CNTN5: variants seen among roughly 807,000 people sequenced by gnomAD.
The protein encoded by CNTN5 is contactin 5.
Under a neutral mutation model 129.1 loss-of-function variants are expected in CNTN5, and 77 were observed. The ratio of observed to expected loss-of-function variants is 0.60; its 90% CI spans 0.50 to 0.72. The LOEUF (loss-of-function observed/expected upper bound fraction) is 0.72, where lower values mean the gene tolerates loss of function less well. Among genes scored for constraint, CNTN5 ranks in the 30% least tolerant of loss-of-function variants. The pLI, the probability that CNTN5 is intolerant of heterozygous loss-of-function variation, is 0.00. For synonymous variants in CNTN5, 509 were observed against 465.6 expected, an observed-to-expected ratio of 1.09 and a Z score of -1.20; for missense variants, 1,478 against 1,328.8, an observed-to-expected ratio of 1.11 and a Z score of -1.75.
intron 2 of CNTN5, among the ~76,000 whole-genome samples, chr11:99,473,201 C>T (rs1011908947): frequency 3.3e-5 from 5 of 151,978 alleles, no homozygotes; most frequent in Non-Finnish European, 7.4e-5. Context: ...ACTTGCTTTG[C>T]TTTTTAGCAA....
chr11:99,986,897 G>C (rs569172611), intron 8 of CNTN5, among the ~76,000 whole-genome samples: 20 of 152,286 alleles, frequency 1.3e-4, no homozygotes, highest in African/African-American at 4.6e-4. Flanking sequence ...GAAAAAGAGA[G>C]ATGTAATAGG....
intron 18 of CNTN5, among the ~76,000 whole-genome samples, chr11:100,297,215 T>A (rs967517414): frequency 6.6e-6 from 1 of 151,476 alleles, no homozygotes; most frequent in African/African-American, 2.4e-5. Flanking sequence ...GGGGTTCTGG[T>A]AAGGCAGTAA....
chr11:99,408,448 G>GAAAGAGAAATAA (rs71305322), intron 2 of CNTN5, among the ~76,000 whole-genome samples: 2 of 78,088 alleles, frequency 2.6e-5, no homozygotes, highest in African/African-American at 1.1e-4. Flanking sequence ...AAGAAAGAAA[G>GAAAGAGAAATAA]AGAAAGAAAG....
intron 8 of CNTN5, among the ~76,000 whole-genome samples, chr11:99,969,411 T>A (rs1951187602): frequency 6.6e-6 from 1 of 152,194 alleles, no homozygotes; most frequent in South Asian, 2.1e-4. Context: ...AGTTGACTTT[T>A]GCAGTGGTGG....
chr11:99,270,933 C>T (rs1863140397), intron 1 of CNTN5, among the ~76,000 whole-genome samples: 1 of 151,876 alleles, frequency 6.6e-6, no homozygotes, highest in South Asian at 2.1e-4. Context: ...AGATGAAAAT[C>T]AGGGTTGTTA....
rs561058515 is a variant in CNTN5, at chr11:99,596,642, A to G, written c.55+40373A>G. Among the ~76,000 whole-genome samples, 6 of 152,306 alleles carry G rather than the reference A, an allele frequency of 3.9e-5. No homozygotes were observed. The East Asian group carries it at 1.2e-3, about 29-fold the overall frequency. Reference sequence around the variant, plus strand: ...ACTGTATATTAGTATACTTGGTACCATTACATAAACATGTGGGAGGAAAAA... The same window carrying G: ...ACTGTATATTAGTATACTTGGTACCGTTACATAAACATGTGGGAGGAAAAA... On this transcript the variant is annotated intron_variant, in intron 3 of 24. Transcript: ENST00000524871.
intron 2 of CNTN5, among the ~76,000 whole-genome samples, chr11:99,476,804 T>TAATC (rs1255067501): frequency 2.0e-5 from 3 of 152,134 alleles, no homozygotes; most frequent in Non-Finnish European, 2.9e-5. Flanking sequence ...AGCTCATGTT[T>TAATC]AATCAACTGA....
chr11:99,226,391 G>C (rs1860687333), intron 1 of CNTN5, among the ~76,000 whole-genome samples: 1 of 152,106 alleles, frequency 6.6e-6, no homozygotes, highest in South Asian at 2.1e-4. Flanking sequence ...CTACTTTCCT[G>C]TACAAACAGG....
intron 3 of CNTN5, among the ~76,000 whole-genome samples, chr11:99,773,686 T>G (rs1945021474): frequency 6.6e-6 from 1 of 152,086 alleles, no homozygotes; most frequent in African/African-American, 2.4e-5. Context: ...AATATTATAT[T>G]TCTCATCAAT....
chr11:99,031,515 G>A (rs146670065), intron 1 of CNTN5, among the ~76,000 whole-genome samples: 100 of 151,890 alleles, frequency 6.6e-4, no homozygotes, highest in Admixed American at 5.4e-3. Context: ...CTATTGGATA[G>A]AGAGGAAAAA....
chr11:100,113,590 G>A (rs1945740373), intron 13 of CNTN5, among the ~76,000 whole-genome samples: 1 of 151,882 alleles, frequency 6.6e-6, no homozygotes, highest in African/African-American at 2.4e-5. Flanking sequence ...AGTGGATGAA[G>A]GGAGCACAAT....
intron 2 of CNTN5, among the ~76,000 whole-genome samples, chr11:99,433,679 A>G (rs1166848059): frequency 6.6e-6 from 1 of 152,170 alleles, no homozygotes; most frequent in Non-Finnish European, 1.5e-5. Flanking sequence ...AATATTCAAG[A>G]CATTGAGAAG....
chr11:100,062,129 A>T (rs1438169233), intron 10 of CNTN5, among the ~76,000 whole-genome samples: 1 of 152,208 alleles, frequency 6.6e-6, no homozygotes, highest in Non-Finnish European at 1.5e-5. Context: ...CAGTATATAT[A>T]TAATGGGTAA....
intron 2 of CNTN5, among the ~76,000 whole-genome samples, chr11:99,544,988 G>A (rs1948244257): frequency 6.6e-6 from 1 of 152,140 alleles, no homozygotes; most frequent in African/African-American, 2.4e-5. Flanking sequence ...CAACATAGAA[G>A]ACCACTCTTA....
chr11:99,847,211 G>A (rs939523405), intron 6 of CNTN5, among the ~76,000 whole-genome samples: 2 of 152,074 alleles, frequency 1.3e-5, no homozygotes, highest in African/African-American at 4.8e-5. Flanking sequence ...ACTTTTTTCT[G>A]CATGCGTTTA....
chr11:100,160,045 T>C (rs1947392458), intron 13 of CNTN5, among the ~76,000 whole-genome samples: 1 of 151,864 alleles, frequency 6.6e-6, no homozygotes. Flanking sequence ...ACATTAGGTA[T>C]TTCTCCTAAT....
At chr11:99,496,134 T>C (rs1946214688) in intron 2 of CNTN5, among the ~76,000 whole-genome samples, 1 of 152,226 alleles carries the variant, frequency 6.6e-6, no homozygotes. Flanking sequence ...TGATTCTTTA[T>C]ACATGCTTAT....
chr11:99,884,105 G>A (rs1948838353), intron 6 of CNTN5, among the ~76,000 whole-genome samples: 1 of 152,132 alleles, frequency 6.6e-6, no homozygotes, highest in African/African-American at 2.4e-5. Context: ...GCAAATGGAA[G>A]TGCTCCCTGG....
chr11:99,471,971 G>A (rs1945194222), intron 2 of CNTN5, among the ~76,000 whole-genome samples: 1 of 151,968 alleles, frequency 6.6e-6, no homozygotes, highest in Admixed American at 6.6e-5. Flanking sequence ...CAGGGACCAA[G>A]ATACATATTT....
Sources: allele counts gnomAD v4.1 joint callset (sites outside exome capture counted in the v4.1 genomes callset), GRCh38; gene constraint gnomAD v4.1.1; transcripts MANE v1.5; gene names NCBI Gene and HGNC (gene_info 2026-07-23, HGNC 2026-07-21).